HSD17B11: variants seen among roughly 807,000 people sequenced by gnomAD.
The protein encoded by HSD17B11 is estradiol 17-beta-dehydrogenase 11.
A neutral mutation model predicts 27.8 loss-of-function variants in HSD17B11; 22 were observed. That is an observed-to-expected ratio of 0.79 (90% CI 0.56 to 1.13). The LOEUF is 1.13. Among genes scored for constraint, HSD17B11 ranks in the 50% most tolerant of loss-of-function variants. HSD17B11 has a pLI of 0.00. For synonymous variants in HSD17B11, 117 were observed against 132.8 expected (o/e 0.88, Z 0.82); for missense variants, 314 against 351.1 (o/e 0.89, Z 0.84).
chr4:87,376,314 G>A (rs543072798), intron 2 of HSD17B11, among the ~76,000 whole-genome samples: 1 of 152,136 alleles, frequency 6.6e-6, no homozygotes, highest in African/African-American at 2.4e-5. Flanking sequence ...AGACCAGCCT[G>A]ACCCACATGG....
intron 2 of HSD17B11, among the ~76,000 whole-genome samples, chr4:87,378,892 A>G (rs1225634614): frequency 8.4e-5 from 1 of 11,910 alleles, no homozygotes; most frequent in Non-Finnish European, 1.3e-4. Context: ...ATATATATAT[A>G]TAAATATATA....
intron 4 of HSD17B11, among the ~76,000 whole-genome samples, chr4:87,358,302 T>C (rs975488643): frequency 2.4e-4 from 37 of 152,282 alleles, no homozygotes; most frequent in African/African-American, 8.7e-4. Flanking sequence ...ACACCTTTCC[T>C]ATAAGCTCCA....
intron 1 of HSD17B11, among the ~76,000 whole-genome samples, chr4:87,384,118 T>G (rs1560772094): frequency 6.6e-6 from 1 of 152,160 alleles, no homozygotes. Context: ...CTGTGGGAAG[T>G]CAGGGACCCC....
At chr4:87,370,275 A>C (rs1417678801) in intron 4 of HSD17B11, among the ~76,000 whole-genome samples, 1 of 152,222 alleles carries the variant, frequency 6.6e-6, no homozygotes, top group Non-Finnish European at 1.5e-5. Flanking sequence ...TTTTGTGTGA[A>C]TAACAGGAAG....
At chr4:87,382,164 TACTTCATCTATATCATGTACAG>T in intron 2 of HSD17B11, 69 bp downstream of exon 2, 1 of 892,106 alleles carries the variant, frequency 1.1e-6, no homozygotes, top group Non-Finnish European at 1.8e-6. Context: ...ATTTCTCAGG[TACTTCATCTATATCATGTACAG>T]ACTGGGTCAT....
intron 4 of HSD17B11, among the ~76,000 whole-genome samples, chr4:87,364,270 G>C (rs1239028871): frequency 1.6e-5 from 2 of 121,422 alleles, no homozygotes; most frequent in African/African-American, 6.0e-5. Flanking sequence ...CCAGTTTTGG[G>C]AAAAAAAAAA....
intron 4 of HSD17B11, among the ~76,000 whole-genome samples, chr4:87,368,803 C>T (rs781193976): frequency 1.2e-4 from 19 of 152,186 alleles, no homozygotes; most frequent in Non-Finnish European, 2.8e-4. Context: ...CTCCCACCAG[C>T]GCATGACAGT....
intron 4 of HSD17B11, among the ~76,000 whole-genome samples, chr4:87,369,767 C>A (rs1266482090): frequency 1.3e-5 from 2 of 152,128 alleles, no homozygotes; most frequent in African/African-American, 4.8e-5. Flanking sequence ...CATTTTGTTA[C>A]AAGCTAATGT....
intron 4 of HSD17B11, 57 bp downstream of exon 4, chr4:87,372,652 A>C (rs1423140329): frequency 9.5e-7 from 1 of 1,051,074 alleles, no homozygotes; most frequent in East Asian, 2.4e-5. Flanking sequence ...ACAGGGTAAG[A>C]AATCTCACAC....
intron 4 of HSD17B11, among the ~76,000 whole-genome samples, chr4:87,364,706 T>G (rs1189699043): frequency 6.6e-6 from 1 of 152,228 alleles, no homozygotes; most frequent in Non-Finnish European, 1.5e-5. Flanking sequence ...TCTCCCGTAG[T>G]ATTTCCCTCC....
intron 2 of HSD17B11, among the ~76,000 whole-genome samples, chr4:87,378,944 ATATTTATATATATATATT>A (rs1560769634): frequency 0.022 from 430 of 19,384 alleles, 84 homozygotes; most frequent in African/African-American, 0.11. Flanking sequence ...ATATATATAT[ATATTTATATATATATATT>A]TTTTTTTTTT....
chr4:87,385,428 G>C (rs898015743), intron 1 of HSD17B11, among the ~76,000 whole-genome samples: 4 of 151,988 alleles, frequency 2.6e-5, no homozygotes, highest in African/African-American at 4.8e-5. Context: ...GGGAGAGAGA[G>C]GGCTGGGGAG....
Position 87,357,311 on chromosome 4 carries a change from T to C in HSD17B11, c.663A>G (p.Val221=). The C allele has an allele frequency of 1.9e-6, 3 of 1,612,596 alleles. No individual in the cohort carries two copies. The East Asian group carries it at 6.7e-5, about 36-fold the overall frequency. Residue 221 remains valine (V), a synonymous_variant, in exon 5 of 7, where the codon GTA becomes GTG. Coordinates refer to ENST00000358290, the MANE Select transcript of HSD17B11 (RefSeq NM_016245.5). ...TTGGATTTTTGATGAAGCCAGTGTTTACGAAATTAGGACACAGACATGTTG... is the reference window on the plus strand; with the variant it reads ...TTGGATTTTTGATGAAGCCAGTGTTCACGAAATTAGGACACAGACATGTTG... The part of the protein sequence containing the change: ...VKTTCLCPNF[V]NTGFIKNPST...
chr4:87,364,015 A>G (rs1467034575), intron 4 of HSD17B11, among the ~76,000 whole-genome samples: 1 of 152,248 alleles, frequency 6.6e-6, no homozygotes, highest in African/African-American at 2.4e-5. Flanking sequence ...ACTATGGTGA[A>G]AAGTCAGCTT....
At position 87,374,750 on chromosome 4, in the gene HSD17B11, T is replaced by C; in HGVS notation, c.399A>G (p.Gln133=). 6.2e-7 allele frequency: 1 copy of C among 1,610,196 alleles called. No homozygotes were observed. The highest frequency in any genetic ancestry group is 8.5e-7 in the Non-Finnish European group (1 of 1,178,624). Residue 133 remains glutamine, a synonymous_variant, in exon 3 of 7, where the codon CAA becomes CAG. Transcript: ENST00000358290. ...VVYTSDLFAT[Q]DPQIEKTFEV... ...CAAAAGTCTTTTCAATCTGAGGATC[T>C]TGTGTAGCAAACAAATCTGATGTAT...
chr4:87,388,262 C>T (rs934419242), intron 1 of HSD17B11, among the ~76,000 whole-genome samples: 2 of 150,998 alleles, frequency 1.3e-5, no homozygotes, highest in Non-Finnish European at 2.9e-5. Context: ...AAATTATTAA[C>T]ACAAAATTCT....
chr4:87,378,935 T>TAA (rs1560769599), intron 2 of HSD17B11, among the ~76,000 whole-genome samples: 1 of 25,108 alleles, frequency 4.0e-5, no homozygotes, highest in African/African-American at 2.8e-4. Context: ...TATAAATATA[T>TAA]ATATATATAT....
chr4:87,386,376 T>A (rs1455570710), intron 1 of HSD17B11, among the ~76,000 whole-genome samples: 4 of 152,044 alleles, frequency 2.6e-5, no homozygotes, highest in Non-Finnish European at 5.9e-5. Context: ...CTAATTTTTA[T>A]ATTTTTAGGA....
chr4:87,359,510 T>C (rs1454228541), intron 4 of HSD17B11, among the ~76,000 whole-genome samples: 1 of 152,154 alleles, frequency 6.6e-6, no homozygotes, highest in East Asian at 1.9e-4. Flanking sequence ...TACAGGCATG[T>C]GCCACAACAC....
Sources: allele counts gnomAD v4.1 joint callset (sites outside exome capture counted in the v4.1 genomes callset), GRCh38; gene constraint gnomAD v4.1.1; transcripts MANE v1.5; gene names NCBI Gene and HGNC (gene_info 2026-07-23, HGNC 2026-07-21).